The following MACROD2 variants were observed in gnomAD, a reference collection of about 807,000 sequenced individuals.
The protein encoded by MACROD2 is ADP-ribose glycohydrolase MACROD2.
A neutral mutation model predicts 70.4 loss-of-function variants in MACROD2; 36 were observed. The observed-to-expected ratio is 0.51, with a 90% CI of 0.39 to 0.68. The LOEUF is 0.68. MACROD2 is among the 30% of genes least tolerant of loss of function. MACROD2 has a pLI of 0.00. For missense variants in MACROD2, 496 were observed against 538.4 expected, an observed-to-expected ratio of 0.92 and a Z score of 0.78; for synonymous variants, 172 against 178.8, an observed-to-expected ratio of 0.96 and a Z score of 0.30.
At chr20:14,403,359 G>T (rs1366509136) in intron 3 of MACROD2, among the ~76,000 whole-genome samples, 1 of 152,016 alleles carries the variant, frequency 6.6e-6, no homozygotes, top group Non-Finnish European at 1.5e-5. Context: ...CAGATGTAAG[G>T]CATTTTACAC....
chr20:15,732,267 G>A (rs955571714), intron 8 of MACROD2, among the ~76,000 whole-genome samples: 2 of 152,034 alleles, frequency 1.3e-5, no homozygotes, highest in Admixed American at 6.6e-5. Context: ...TATGCATCCT[G>A]TCCTACAAGT....
chr20:15,350,381 A>T (rs1278292220), intron 6 of MACROD2, among the ~76,000 whole-genome samples: 1 of 152,166 alleles, frequency 6.6e-6, no homozygotes, highest in Non-Finnish European at 1.5e-5. Flanking sequence ...TTCTTTTTTA[A>T]TTGCCGATGC....
At chr20:14,309,796 G>A (rs371100033) in intron 3 of MACROD2, among the ~76,000 whole-genome samples, 237 of 152,182 alleles carry the variant, frequency 1.6e-3, no homozygotes, top group Middle Eastern at 3.4e-3. Flanking sequence ...TCTTGACCAC[G>A]TTGGCTAATG....
intron 3 of MACROD2, among the ~76,000 whole-genome samples, chr20:14,300,000 T>G (rs1032700428): frequency 1.3e-5 from 2 of 152,196 alleles, no homozygotes; most frequent in African/African-American, 4.8e-5. Context: ...GTGACATTTC[T>G]GAGTCATGCC....
intron 6 of MACROD2, among the ~76,000 whole-genome samples, chr20:15,367,486 G>A (rs1600302516): frequency 6.6e-6 from 1 of 152,020 alleles, no homozygotes; most frequent in East Asian, 1.9e-4. Flanking sequence ...GAACTACTAG[G>A]TGTTCACTGA....
chr20:15,243,408 T>C (rs541129877), intron 6 of MACROD2, among the ~76,000 whole-genome samples: 1 of 152,344 alleles, frequency 6.6e-6, no homozygotes, highest in South Asian at 2.1e-4. Flanking sequence ...CTGAGTATTC[T>C]GTATTTACTG....
At chr20:14,023,282 G>A (rs994961266) in intron 2 of MACROD2, among the ~76,000 whole-genome samples, 4 of 152,228 alleles carry the variant, frequency 2.6e-5, no homozygotes, top group South Asian at 4.1e-4. Flanking sequence ...TAAGTTCCTT[G>A]TAGATTCTGG....
At chr20:14,029,844 G>T (rs900542243) in intron 2 of MACROD2, among the ~76,000 whole-genome samples, 1 of 151,974 alleles carries the variant, frequency 6.6e-6, no homozygotes. Flanking sequence ...GTAATTTATC[G>T]ATACTTTCTG....
chr20:14,574,837 C>T (rs1270164564), intron 4 of MACROD2, among the ~76,000 whole-genome samples: 1 of 147,190 alleles, frequency 6.8e-6, no homozygotes, highest in African/African-American at 2.5e-5. Context: ...AGGTGAAACC[C>T]CGTCTCTACT....
chr20:15,889,028 A>G (rs568865313), intron 10 of MACROD2, among the ~76,000 whole-genome samples: 27 of 152,302 alleles, frequency 1.8e-4, no homozygotes, highest in Non-Finnish European at 3.8e-4. Flanking sequence ...GGGCTACTTG[A>G]GTGAATCAAC....
At chr20:15,503,890 C>A (rs2047394462) in intron 8 of MACROD2, among the ~76,000 whole-genome samples, 1 of 152,180 alleles carries the variant, frequency 6.6e-6, no homozygotes, top group African/African-American at 2.4e-5. Context: ...TAATGTGAGT[C>A]TCCCATCAGT....
intron 8 of MACROD2, among the ~76,000 whole-genome samples, chr20:15,595,340 C>T (rs982378430): frequency 6.6e-6 from 1 of 151,994 alleles, no homozygotes; most frequent in Non-Finnish European, 1.5e-5. Flanking sequence ...AATCCTCATA[C>T]AAAAAATTTA....
intron 5 of MACROD2, among the ~76,000 whole-genome samples, chr20:14,780,562 CAAAA>C (rs763622429): frequency 1.6e-5 from 2 of 124,292 alleles, no homozygotes; most frequent in Non-Finnish European, 1.7e-5. Flanking sequence ...AACTCCGTCT[CAAAA>C]AAAAAAAAAA....
intron 5 of MACROD2, among the ~76,000 whole-genome samples, chr20:15,214,815 T>C (rs2076794846): frequency 6.6e-6 from 1 of 152,188 alleles, no homozygotes. Context: ...TAAAATTCTA[T>C]CAAAATACTC....
intron 5 of MACROD2, among the ~76,000 whole-genome samples, chr20:14,882,441 T>C (rs2073620753): frequency 6.6e-6 from 1 of 152,328 alleles, no homozygotes; most frequent in South Asian, 2.1e-4. Context: ...GCATGTTTTA[T>C]ACCTGTTATG....
chr20:15,596,699 T>C (rs1033870044), intron 8 of MACROD2, among the ~76,000 whole-genome samples: 4 of 152,330 alleles, frequency 2.6e-5, no homozygotes, highest in South Asian at 2.1e-4. Context: ...GTTCATTATA[T>C]GTGCATTCTA....
intron 3 of MACROD2, among the ~76,000 whole-genome samples, chr20:14,358,889 G>GA (rs953422420): frequency 6.6e-4 from 100 of 152,134 alleles, no homozygotes; most frequent in African/African-American, 2.2e-3. Flanking sequence ...ATAAGTTTTT[G>GA]AAAAAATTGT....
At chr20:15,163,704 A>T (rs1036121279) in intron 5 of MACROD2, among the ~76,000 whole-genome samples, 1 of 151,746 alleles carries the variant, frequency 6.6e-6, no homozygotes, top group African/African-American at 2.4e-5. Flanking sequence ...TTTTTTTTTA[A>T]CATTTTTAAT....
intron 8 of MACROD2, among the ~76,000 whole-genome samples, chr20:15,757,853 C>T (rs1400387088): frequency 1.3e-5 from 2 of 152,324 alleles, no homozygotes; most frequent in South Asian, 2.1e-4. Context: ...CTAACTTTAA[C>T]TACCTTGCAA....
Sources: gnomAD v4.1 joint callset for allele counts (sites outside exome capture counted in the v4.1 genomes callset) on GRCh38, gnomAD v4.1.1 for gene constraint, MANE v1.5 for transcripts, NCBI Gene and HGNC (gene_info 2026-07-23, HGNC 2026-07-21) for gene names.